PRKAR1B: variants seen among roughly 807,000 people sequenced by gnomAD.
The protein encoded by PRKAR1B is cAMP-dependent protein kinase type I-beta regulatory subunit.
In PRKAR1B, 22 loss-of-function variants were observed where a neutral mutation model predicts 46.5. That is an observed-to-expected ratio of 0.47 (90% CI 0.34 to 0.68). The LOEUF is 0.68. PRKAR1B is among the 30% of genes least tolerant of loss of function. PRKAR1B has a pLI of 0.01. For missense variants in PRKAR1B, 445 were observed against 535.6 expected, an observed-to-expected ratio of 0.83 and a Z score of 1.67; for synonymous variants, 259 against 217.7, an observed-to-expected ratio of 1.19 and a Z score of -1.67.
At chr7:702,589 C>T (rs1011914109) in intron 2 of PRKAR1B, among the ~76,000 whole-genome samples, 43 of 152,052 alleles carry the variant, frequency 2.8e-4, no homozygotes, top group Admixed American at 2.6e-3. Flanking sequence ...TTTGGGAGGC[C>T]GAGGCAGGCG....
intron 4 of PRKAR1B, among the ~76,000 whole-genome samples, chr7:660,296 C>A (rs568537375): frequency 1.3e-5 from 2 of 152,150 alleles, no homozygotes; most frequent in Admixed American, 1.3e-4. Context: ...GGGCCCAAGT[C>A]TGTGAGCCTG....
At chr7:595,547 C>T (rs1193541883) in intron 7 of PRKAR1B, among the ~76,000 whole-genome samples, 5 of 152,150 alleles carry the variant, frequency 3.3e-5, no homozygotes, top group Admixed American at 1.3e-4. Flanking sequence ...AAAGGGTCCT[C>T]CCCGGGCTCC....
intron 9 of PRKAR1B, among the ~76,000 whole-genome samples, chr7:576,414 C>T (rs914646652): frequency 3.9e-5 from 6 of 152,194 alleles, no homozygotes; most frequent in Admixed American, 6.5e-5. Flanking sequence ...CTCTACCGAC[C>T]GGAAATACTG....
At chr7:588,739 CAGTGGT>C (rs1780781618) in intron 7 of PRKAR1B, among the ~76,000 whole-genome samples, 4 of 13,528 alleles carry the variant, frequency 3.0e-4, no homozygotes, top group East Asian at 3.4e-3. Flanking sequence ...AGGATAGTGA[CAGTGGT>C]GATGGTGATG....
At chr7:640,755 C>T (rs1344678992) in intron 4 of PRKAR1B, among the ~76,000 whole-genome samples, 3 of 144,248 alleles carry the variant, frequency 2.1e-5, no homozygotes, top group African/African-American at 5.2e-5. Flanking sequence ...AAGAGCAAAA[C>T]TCTGTCTCAA....
At chr7:670,598 G>A (rs1290296627) in intron 4 of PRKAR1B, among the ~76,000 whole-genome samples, 2 of 149,866 alleles carry the variant, frequency 1.3e-5, no homozygotes, top group Admixed American at 6.6e-5. Context: ...CCATGCCACA[G>A]CATCCAGCAG....
At chr7:696,805 G>C (rs1290206298) in intron 2 of PRKAR1B, 1 of 152,324 alleles carries the variant, frequency 6.6e-6, no homozygotes, top group Non-Finnish European at 1.5e-5. Flanking sequence ...AATCAGACTA[G>C]GCAGGATACA....
At chr7:719,586 C>T (rs559963234) in intron 1 of PRKAR1B, among the ~76,000 whole-genome samples, 1 of 152,346 alleles carries the variant, frequency 6.6e-6, no homozygotes, top group South Asian at 2.1e-4. Flanking sequence ...AGGCCTGTTT[C>T]ATTTGTTGTA....
At chr7:680,014 T>C (rs773072724) in intron 3 of PRKAR1B, among the ~76,000 whole-genome samples, 1 of 150,028 alleles carries the variant, frequency 6.7e-6, no homozygotes, top group Non-Finnish European at 1.5e-5. Context: ...AAAAATTAGC[T>C]GGGTGTGGTG....
At chr7:611,769 A>ATGGATGGATGGATGGATGG (rs1782506554) in intron 4 of PRKAR1B, among the ~76,000 whole-genome samples, 1 of 149,954 alleles carries the variant, frequency 6.7e-6, no homozygotes, top group African/African-American at 2.5e-5. Context: ...TAGACGAATG[A>ATGGATGGATGGATGGATGG]ATGGATGGAT....
At chr7:657,328 G>A (rs1785265848) in intron 4 of PRKAR1B, among the ~76,000 whole-genome samples, 1 of 151,110 alleles carries the variant, frequency 6.6e-6, no homozygotes, top group East Asian at 1.9e-4. Flanking sequence ...CAAATGAATG[G>A]ATGCATGAGT....
At chr7:570,429 C>T (rs1303705994) in intron 9 of PRKAR1B, among the ~76,000 whole-genome samples, 1 of 152,184 alleles carries the variant, frequency 6.6e-6, no homozygotes, top group Non-Finnish European at 1.5e-5. Flanking sequence ...CTTGCGTAGC[C>T]TCGCCCCACC....
At chr7:592,690 G>A (rs1225046025) in intron 7 of PRKAR1B, among the ~76,000 whole-genome samples, 5 of 152,206 alleles carry the variant, frequency 3.3e-5, no homozygotes, top group Non-Finnish European at 7.3e-5. Context: ...CTGAGGTCCT[G>A]GGTAAGGATC....
At chr7:665,981 T>G (rs1401879606) in intron 4 of PRKAR1B, among the ~76,000 whole-genome samples, 1 of 152,232 alleles carries the variant, frequency 6.6e-6, no homozygotes, top group Non-Finnish European at 1.5e-5. Context: ...CTGGAGCCAC[T>G]GCCAGGAAGG....
chr7:633,237 CATCT>C (rs1466836850), intron 4 of PRKAR1B, among the ~76,000 whole-genome samples: 7 of 152,190 alleles, frequency 4.6e-5, no homozygotes, highest in South Asian at 4.1e-4. Context: ...CGTGTGCAAA[CATCT>C]ATCTAACACA....
Position 711,368 on chromosome 7 carries a change from G to A in PRKAR1B, c.138C>T (p.Pro46=). 1 of 1,614,232 alleles carries A rather than the reference G, an allele frequency of 6.2e-7. No homozygotes were observed. Among genetic ancestry groups the A allele is most frequent in the African/African-American group, 1.3e-5 (1 of 75,072 alleles). Residue 46 remains proline (P), a synonymous_variant, in exon 2 of 11, where the codon CCC becomes CCT. Transcript: ENST00000537384. Reference sequence around the variant, plus strand: ...CGAAGTGCTCCCGGAGGAACTTCATGGGGCGTTCGGGCTTGGAGATGCAGA... The same window carrying A: ...CGAAGTGCTCCCGGAGGAACTTCATAGGGCGTTCGGGCTTGGAGATGCAGA... ...VHLCISKPER[P]MKFLREHFEK... is the part of the protein sequence containing the mutation.
intron 4 of PRKAR1B, among the ~76,000 whole-genome samples, chr7:672,159 T>G (rs1187536706): frequency 1.3e-5 from 2 of 149,960 alleles, no homozygotes; most frequent in Non-Finnish European, 3.0e-5. Context: ...CCGAATTTGT[T>G]TTTTTTTTTA....
At chr7:685,195 T>C (rs184851873) in intron 2 of PRKAR1B, among the ~76,000 whole-genome samples, 31 of 146,786 alleles carry the variant, frequency 2.1e-4, no homozygotes, top group African/African-American at 7.3e-4. Flanking sequence ...AAAAACCATG[T>C]CTGTATATAC....
chr7:646,723 G>C (rs994198909), intron 4 of PRKAR1B, among the ~76,000 whole-genome samples: 3 of 152,236 alleles, frequency 2.0e-5, no homozygotes, highest in Non-Finnish European at 4.4e-5. Flanking sequence ...ATGGCTCAGA[G>C]TGCTCAGCAT....
Sources: allele counts gnomAD v4.1 joint callset (sites outside exome capture counted in the v4.1 genomes callset), GRCh38; gene constraint gnomAD v4.1.1; transcripts MANE v1.5; gene names NCBI Gene and HGNC (gene_info 2026-07-23, HGNC 2026-07-21).